Variants in CDH13 observed in about 807,000 individuals in gnomAD.
CDH13 encodes cadherin-13.
In CDH13, 24 loss-of-function variants were observed where a neutral mutation model predicts 63.8. The ratio of observed to expected loss-of-function variants is 0.38; its 90% CI spans 0.27 to 0.53. The LOEUF (loss-of-function observed/expected upper bound fraction) is 0.53, where lower values mean the gene tolerates loss of function less well. Among genes scored for constraint, CDH13 ranks in the 20% least tolerant of loss-of-function variants. The pLI is 0.85. For synonymous variants in CDH13, 503 were observed against 355.3 expected (o/e 1.42, Z -4.67); for missense variants, 1,049 against 903.1 (o/e 1.16, Z -2.07).
At chr16:82,951,255 C>T (rs1905261496) in intron 2 of CDH13, among the ~76,000 whole-genome samples, 1 of 152,132 alleles carries the variant, frequency 6.6e-6, no homozygotes, top group Non-Finnish European at 1.5e-5. Flanking sequence ...ACATCCCTCA[C>T]CCCATCCCAA....
In CDH13 at chr16:83,225,359, A is replaced by G. The variant is rs570306408; in HGVS notation, c.636+7862A>G. 3.3e-5 allele frequency among the ~76,000 whole-genome samples: 5 copies of G among 152,172 alleles called. No homozygotes were observed. The South Asian group carries it at 1.0e-3, about 32-fold the overall frequency. On this transcript the variant is annotated intron_variant, in intron 5 of 13. Coordinates refer to ENST00000567109, the MANE Select transcript of CDH13 (RefSeq NM_001257.5). ...GCCATTTGAAAGCCCTCTCCATCCA[A>G]TTCCAACTCTTCCAAACTGCTTTCT...
chr16:83,169,718 T>C (rs2151726629), intron 4 of CDH13, among the ~76,000 whole-genome samples: 1 of 152,232 alleles, frequency 6.6e-6, no homozygotes, highest in East Asian at 1.9e-4. Flanking sequence ...GTTGCCTTTC[T>C]TTTATGCCAG....
chr16:82,818,891 A>C (rs1394233228), intron 1 of CDH13, among the ~76,000 whole-genome samples: 1 of 152,178 alleles, frequency 6.6e-6, no homozygotes, highest in Non-Finnish European at 1.5e-5. Context: ...CTAACGGTAA[A>C]ATGAGTTATG....
intron 5 of CDH13, among the ~76,000 whole-genome samples, chr16:83,342,038 C>G (rs1226377816): frequency 6.6e-6 from 1 of 150,988 alleles, no homozygotes; most frequent in Non-Finnish European, 1.5e-5. Flanking sequence ...CACACTTTGT[C>G]AATCATACTC....
intron 2 of CDH13, among the ~76,000 whole-genome samples, chr16:83,007,250 G>A (rs911264832): frequency 6.6e-6 from 1 of 152,142 alleles, no homozygotes; most frequent in Non-Finnish European, 1.5e-5. Context: ...TCATAGTGAT[G>A]TTATGTTCAT....
At chr16:83,631,637 G>A (rs115856742) in intron 8 of CDH13, among the ~76,000 whole-genome samples, 7 of 152,166 alleles carry the variant, frequency 4.6e-5, no homozygotes, top group East Asian at 1.9e-4. Flanking sequence ...TCCAGGATGC[G>A]CCAACGAGAT....
intron 10 of CDH13, among the ~76,000 whole-genome samples, chr16:83,679,777 T>C (rs1431070174): frequency 6.6e-6 from 1 of 152,226 alleles, no homozygotes; most frequent in Non-Finnish European, 1.5e-5. Flanking sequence ...AGCTTAAGTG[T>C]CATCTTGTAT....
intron 1 of CDH13, among the ~76,000 whole-genome samples, chr16:82,721,105 T>C (rs2032742500): frequency 6.6e-6 from 1 of 152,224 alleles, no homozygotes; most frequent in Non-Finnish European, 1.5e-5. Flanking sequence ...GTTAATTTAT[T>C]CAATGACCAG....
At chr16:82,903,527 C>T (rs1283000087) in intron 2 of CDH13, among the ~76,000 whole-genome samples, 1 of 152,202 alleles carries the variant, frequency 6.6e-6, no homozygotes, top group Non-Finnish European at 1.5e-5. Flanking sequence ...ACCCACCCTG[C>T]CATTATCTTT....
intron 6 of CDH13, among the ~76,000 whole-genome samples, chr16:83,384,331 T>C (rs1597885354): frequency 6.6e-6 from 1 of 152,138 alleles, no homozygotes; most frequent in South Asian, 2.1e-4. Flanking sequence ...CAGAGCCCCA[T>C]ATCCCAGGCT....
chr16:83,162,036 C>G (rs58148119), intron 4 of CDH13, among the ~76,000 whole-genome samples: 10,568 of 152,222 alleles, frequency 0.069, 444 homozygotes, highest in African/African-American at 0.081. Context: ...CAGCTAGTCC[C>G]TTTGTTTGGG....
At chr16:83,361,645 T>A (rs765202530) in intron 6 of CDH13, among the ~76,000 whole-genome samples, 18 of 152,330 alleles carry the variant, frequency 1.2e-4, no homozygotes, top group Middle Eastern at 3.4e-3. Context: ...CTTCTGAATA[T>A]GGCTATCCAG....
chr16:83,482,250 G>C (rs112494885), intron 6 of CDH13, among the ~76,000 whole-genome samples: 1 of 152,184 alleles, frequency 6.6e-6, no homozygotes, highest in Non-Finnish European at 1.5e-5. Flanking sequence ...GACCTACCGC[G>C]TGTCAGACAC....
intron 11 of CDH13, among the ~76,000 whole-genome samples, chr16:83,759,560 C>G (rs1398640285): frequency 6.6e-6 from 1 of 152,036 alleles, no homozygotes. Context: ...AAATTAAGAG[C>G]TTTGATTCTT....
intron 5 of CDH13, among the ~76,000 whole-genome samples, chr16:83,224,504 C>G (rs907947632): frequency 6.6e-6 from 1 of 152,200 alleles, no homozygotes; most frequent in African/African-American, 2.4e-5. Flanking sequence ...CTTCTGTCAT[C>G]ATTAGGGTCC....
chr16:82,989,704 C>G (rs937599991), intron 2 of CDH13, among the ~76,000 whole-genome samples: 3 of 152,170 alleles, frequency 2.0e-5, no homozygotes, highest in African/African-American at 7.2e-5. Context: ...TTGCCTGCTT[C>G]TGTTCTCAAT....
intron 5 of CDH13, among the ~76,000 whole-genome samples, chr16:83,246,580 C>T (rs1269379701): frequency 6.6e-6 from 1 of 152,100 alleles, no homozygotes; most frequent in African/African-American, 2.4e-5. Context: ...GAAGCAATTA[C>T]CAATTCTTAT....
intron 7 of CDH13, among the ~76,000 whole-genome samples, chr16:83,535,097 C>T (rs74739842): frequency 0.014 from 2,169 of 152,318 alleles, 65 homozygotes; most frequent in African/African-American, 0.05. Context: ...GGTCCTTTTT[C>T]AGTCTGCCAT....
At chr16:82,936,951 C>T (rs1381868991) in intron 2 of CDH13, among the ~76,000 whole-genome samples, 1 of 152,078 alleles carries the variant, frequency 6.6e-6, no homozygotes, top group Non-Finnish European at 1.5e-5. Context: ...TTATCAGGGC[C>T]TCTGGGGTCA....
Sources: gnomAD v4.1 joint callset for allele counts (sites outside exome capture counted in the v4.1 genomes callset) on GRCh38, gnomAD v4.1.1 for gene constraint, MANE v1.5 for transcripts, NCBI Gene and HGNC (gene_info 2026-07-23, HGNC 2026-07-21) for gene names.